Variants in CNTNAP5 observed in about 807,000 individuals in gnomAD.
The protein encoded by CNTNAP5 is contactin associated protein family member 5.
In CNTNAP5, 72 loss-of-function variants were observed where a neutral mutation model predicts 150.2. That is an observed-to-expected ratio of 0.48 (90% CI 0.40 to 0.58). CNTNAP5 has a LOEUF of 0.58. Ranked by LOEUF, CNTNAP5 falls within the 20% of genes least tolerant of loss-of-function variation. The probability of loss-of-function intolerance (pLI) is 0.00; values close to 1 mark genes in which losing one functional copy is unlikely to be tolerated. For missense variants in CNTNAP5, 1,636 were observed against 1,626.2 expected (o/e 1.01, Z -0.10); for synonymous variants, 672 against 619.8 (o/e 1.08, Z -1.25).
chr2:124,616,132 T>G (rs1187832703), intron 12 of CNTNAP5, among the ~76,000 whole-genome samples: 1 of 152,134 alleles, frequency 6.6e-6, no homozygotes, highest in Non-Finnish European at 1.5e-5. Context: ...CATTAGCACT[T>G]GCATTAGTCC....
At chr2:124,647,699 T>C (rs985291607) in intron 12 of CNTNAP5, 59 bp from the exon 13 acceptor site, 2 of 1,485,770 alleles carry the variant, frequency 1.3e-6, no homozygotes, top group African/African-American at 1.4e-5. Flanking sequence ...ACTGCTCACA[T>C]GCTCCATTTT....
At chr2:124,649,716 G>A (rs149465759) in intron 13 of CNTNAP5, among the ~76,000 whole-genome samples, 323 of 152,218 alleles carry the variant, frequency 2.1e-3, no homozygotes, top group African/African-American at 7.4e-3. Flanking sequence ...AATTTCTATA[G>A]TTTCGATTTC....
In CNTNAP5 at chr2:124,774,978, A is replaced by T. The variant is rs149548314; in HGVS notation, c.2752+1961A>T. On this transcript the variant is annotated intron_variant, in intron 17 of 23. Transcript: ENST00000682447. ...GAGCATGTCGATGGGTCTGGAGGAGATATCTTGCTGGAGCTGGAGCCAAGG... is the reference window on the plus strand; with the variant it reads ...GAGCATGTCGATGGGTCTGGAGGAGTTATCTTGCTGGAGCTGGAGCCAAGG... Among the ~76,000 whole-genome samples the T allele has an allele frequency of 2.7e-3, 404 of 152,278 alleles. 1 individual carries two copies. The highest frequency in any genetic ancestry group is 4.2e-3 in the Non-Finnish European group (284 of 68,014).
At chr2:124,630,635 C>T (rs1677832979) in intron 12 of CNTNAP5, among the ~76,000 whole-genome samples, 1 of 152,154 alleles carries the variant, frequency 6.6e-6, no homozygotes, top group Non-Finnish European at 1.5e-5. Flanking sequence ...TGGACAAAAA[C>T]TGGAAGCATT....
At chr2:124,565,443 G>A (rs946611933) in intron 11 of CNTNAP5, among the ~76,000 whole-genome samples, 15 of 151,314 alleles carry the variant, frequency 9.9e-5, no homozygotes, top group Non-Finnish European at 2.1e-4. Context: ...AAAATATCTC[G>A]TGTACCCCAT....
chr2:124,198,324 C>G (rs1292241153), intron 1 of CNTNAP5, among the ~76,000 whole-genome samples: 8 of 152,058 alleles, frequency 5.3e-5, no homozygotes, highest in Admixed American at 5.2e-4. Flanking sequence ...CCAAAATTAT[C>G]TTTCAATCTG....
chr2:124,222,380 A>G (rs1686345006), intron 2 of CNTNAP5, among the ~76,000 whole-genome samples: 1 of 152,084 alleles, frequency 6.6e-6, no homozygotes, highest in Non-Finnish European at 1.5e-5. Context: ...TTGTTAACAA[A>G]TATGATGTTG....
At chr2:124,423,865 C>T (rs1193996085) in intron 4 of CNTNAP5, among the ~76,000 whole-genome samples, 1 of 144,718 alleles carries the variant, frequency 6.9e-6, no homozygotes, top group Non-Finnish European at 1.5e-5. Flanking sequence ...GGGGTTTCAC[C>T]GTGTTAGCCA....
chr2:124,830,782 A>G (rs777198939), intron 19 of CNTNAP5, among the ~76,000 whole-genome samples: 6 of 152,072 alleles, frequency 3.9e-5, no homozygotes, highest in African/African-American at 1.4e-4. Flanking sequence ...GGAGAAAAAA[A>G]GTTACAAGAA....
intron 8 of CNTNAP5, among the ~76,000 whole-genome samples, chr2:124,510,335 A>T (rs1484475095): frequency 2.5e-5 from 1 of 40,244 alleles, no homozygotes. Flanking sequence ...CTATATATAT[A>T]TCTCCATATG....
intron 1 of CNTNAP5, among the ~76,000 whole-genome samples, chr2:124,102,797 C>T (rs1270015113): frequency 6.6e-6 from 1 of 152,088 alleles, no homozygotes; most frequent in African/African-American, 2.4e-5. Flanking sequence ...TGCCTCACAG[C>T]GATGTTGTGA....
intron 12 of CNTNAP5, among the ~76,000 whole-genome samples, chr2:124,641,911 T>C (rs931450759): frequency 6.6e-6 from 1 of 152,240 alleles, no homozygotes; most frequent in Non-Finnish European, 1.5e-5. Flanking sequence ...TTTACTTTCC[T>C]TTTGTTTGCT....
At chr2:124,587,022 GCCT>G (rs1326470209) in intron 11 of CNTNAP5, among the ~76,000 whole-genome samples, 1 of 152,144 alleles carries the variant, frequency 6.6e-6, no homozygotes. Flanking sequence ...CCTGTTCTGA[GCCT>G]CCTTTTACTT....
intron 17 of CNTNAP5, among the ~76,000 whole-genome samples, chr2:124,779,357 C>G (rs1681400399): frequency 6.6e-6 from 1 of 152,150 alleles, no homozygotes; most frequent in South Asian, 2.1e-4. Flanking sequence ...ACTTTTCTGC[C>G]CATTCATACT....
At chr2:124,520,308 G>A (rs1386721701) in intron 8 of CNTNAP5, among the ~76,000 whole-genome samples, 2 of 152,180 alleles carry the variant, frequency 1.3e-5, no homozygotes, top group Non-Finnish European at 2.9e-5. Flanking sequence ...GTAAATAATG[G>A]TGTCAAGAAC....
intron 1 of CNTNAP5, among the ~76,000 whole-genome samples, chr2:124,051,996 G>C (rs1681709294): frequency 6.6e-6 from 1 of 152,072 alleles, no homozygotes; most frequent in Non-Finnish European, 1.5e-5. Context: ...TAGAAAAGTA[G>C]AATAAAGAAA....
chr2:124,896,711 G>A (rs1489917805), intron 21 of CNTNAP5, among the ~76,000 whole-genome samples: 1 of 151,354 alleles, frequency 6.6e-6, no homozygotes, highest in Non-Finnish European at 1.5e-5. Flanking sequence ...GCTAATTTCT[G>A]TATTTTTAGT....
At chr2:124,365,387 C>T in intron 3 of CNTNAP5, among the ~76,000 whole-genome samples, 1 of 151,340 alleles carries the variant, frequency 6.6e-6, no homozygotes, top group East Asian at 1.9e-4. Flanking sequence ...TTTGCATATA[C>T]TTTGCCATTT....
At chr2:124,356,562 G>A (rs1172644139) in intron 3 of CNTNAP5, among the ~76,000 whole-genome samples, 2 of 149,980 alleles carry the variant, frequency 1.3e-5, no homozygotes, top group African/African-American at 4.9e-5. Flanking sequence ...GCGGTGTTTG[G>A]TTTTTTGTTC....
Sources: gnomAD v4.1 joint callset for allele counts (sites outside exome capture counted in the v4.1 genomes callset) on GRCh38, gnomAD v4.1.1 for gene constraint, MANE v1.5 for transcripts, NCBI Gene and HGNC (gene_info 2026-07-23, HGNC 2026-07-21) for gene names.